Variants in DIAPH1 observed in about 807,000 individuals in gnomAD.
DIAPH1 encodes protein diaphanous homolog 1.
Under a neutral mutation model 140.7 loss-of-function variants are expected in DIAPH1, and 46 were observed. That is an observed-to-expected ratio of 0.33 (90% CI 0.26 to 0.42). DIAPH1 has a LOEUF of 0.42. Ranked by LOEUF, DIAPH1 falls within the 10% of genes least tolerant of loss-of-function variation. DIAPH1 has a pLI of 1.00. For missense variants in DIAPH1, 1,310 were observed against 1,558.7 expected, an observed-to-expected ratio of 0.84 and a Z score of 2.69; for synonymous variants, 565 against 551.6, an observed-to-expected ratio of 1.02 and a Z score of -0.34.
chr5:141,583,748 C>T (rs2099897116), intron 4 of DIAPH1, 133 bp from the exon 5 acceptor site: 25 of 1,280,974 alleles, frequency 2.0e-5, no homozygotes, highest in Non-Finnish European at 2.7e-5. Context: ...ACTACGTTGC[C>T]CAGGCTGATT....
At chr5:141,572,544 GTAATC>G (rs2099895341) in intron 16 of DIAPH1, among the ~76,000 whole-genome samples, 1 of 152,220 alleles carries the variant, frequency 6.6e-6, no homozygotes, top group African/African-American at 2.4e-5. Flanking sequence ...GCTCACGTCT[GTAATC>G]CCAGCACTCT....
intron 14 of DIAPH1, among the ~76,000 whole-genome samples, chr5:141,575,446 C>T (rs1168797707): frequency 6.6e-6 from 1 of 152,120 alleles, no homozygotes; most frequent in African/African-American, 2.4e-5. Context: ...GTCAGAAGTT[C>T]GAGACCAACC....
chr5:141,559,403 G>A (rs188649131), intron 18 of DIAPH1, among the ~76,000 whole-genome samples: 5 of 152,270 alleles, frequency 3.3e-5, no homozygotes, highest in Admixed American at 3.3e-4. Context: ...AAATCCCACA[G>A]AACTAGACCA....
rs1596381822 is a variant in DIAPH1, at chr5:141,576,282, T to C, written c.1409A>G (p.Asp470Gly). The C allele has an allele frequency of 3.1e-6, 5 of 1,613,984 alleles. No individual in the cohort carries two copies. The African/African-American group carries it at 4.0e-5, about 13-fold the overall frequency. ...EIEGLIDQMI[D>G]KTKVEKSEAK... is the part of the protein sequence containing the mutation. ...TTCAGATTTCTCCACCTTTGTCTTATCAATCATTTGATCTGAAAAGAAGAA... is the reference window on the plus strand; with the variant it reads ...TTCAGATTTCTCCACCTTTGTCTTACCAATCATTTGATCTGAAAAGAAGAA... Residue 470 changes from aspartate (D) to glycine (G), a missense_variant, in exon 14 of 28, where the codon GAT becomes GGT. Transcript: ENST00000389054.
chr5:141,575,244 G>A (rs1331025733), intron 14 of DIAPH1, 98 bp from the exon 15 acceptor site: 2 of 1,296,184 alleles, frequency 1.5e-6, no homozygotes, highest in South Asian at 1.2e-5. Flanking sequence ...TCTTTTGCCT[G>A]GGGGTGCTGG....
chr5:141,527,846 G>A (rs975390851), intron 23 of DIAPH1, 149 bp from the exon 24 acceptor site: 2 of 1,032,768 alleles, frequency 1.9e-6, no homozygotes, highest in Non-Finnish European at 2.7e-6. Context: ...AGTTCCTTAT[G>A]TACTTTAGTT....
At chr5:141,612,060 T>A (rs2099901937) in intron 1 of DIAPH1, among the ~76,000 whole-genome samples, 1 of 151,728 alleles carries the variant, frequency 6.6e-6, no homozygotes, top group African/African-American at 2.4e-5. Context: ...AGAGTGAAAC[T>A]CTGTCTCAAA....
At chr5:141,526,210 T>C (rs771113954) in intron 25 of DIAPH1, 37 bp from the exon 26 acceptor site, 4 of 1,613,966 alleles carry the variant, frequency 2.5e-6, no homozygotes, top group Non-Finnish European at 3.4e-6. Context: ...CACATGGGCA[T>C]TGTATACCTA....
In DIAPH1 at chr5:141,528,585, TAGAG is replaced by T; in HGVS notation, c.3019-7_3019-4del. Reference sequence around the variant, plus strand: ...TCTGTGGACTTGGTGTCTCGAAGCTTAGAGAAAGAGGAGAAACTGTTAAATCCTG... The same window carrying T: ...TCTGTGGACTTGGTGTCTCGAAGCTTAAAGAGGAGAAACTGTTAAATCCTG... On this transcript the variant is annotated splice_polypyrimidine_tract_variant and splice_region_variant and intron_variant, in intron 22 of 27. Transcript: ENST00000389054. The T allele has an allele frequency of 6.2e-7, 1 of 1,614,190 alleles. No individual in the cohort carries two copies. Among genetic ancestry groups the T allele is most frequent in the Non-Finnish European group, 8.5e-7 (1 of 1,180,030 alleles).
At position 141,616,527 on chromosome 5, in the gene DIAPH1, C is replaced by T. The variant is rs117688518; in HGVS notation, c.117+2271G>A. Among the ~76,000 whole-genome samples, 174 of 152,228 alleles carry T rather than the reference C, an allele frequency of 1.1e-3. 1 individual carries two copies. The East Asian group carries it at 0.028, about 24-fold the overall frequency. On this transcript the variant is annotated intron_variant, in intron 1 of 27. Coordinates refer to ENST00000389054, the MANE Select transcript of DIAPH1 (RefSeq NM_005219.5). ...TATCAAAAGCACACCAGCAATCTCG[C>T]CCACTCCACCCACCCACGTATACAT...
chr5:141,590,791 A>G (rs2099898277), intron 1 of DIAPH1, among the ~76,000 whole-genome samples: 2 of 151,198 alleles, frequency 1.3e-5, no homozygotes, highest in Non-Finnish European at 2.9e-5. Flanking sequence ...CTTTCTGCCT[A>G]CAGACTCTTG....
intron 1 of DIAPH1, among the ~76,000 whole-genome samples, chr5:141,608,827 A>G (rs2099901353): frequency 2.0e-5 from 3 of 152,230 alleles, no homozygotes; most frequent in Non-Finnish European, 4.4e-5. Flanking sequence ...GAGCACAAAC[A>G]GAGGTCTTTA....
chr5:141,521,719 A>T (rs575600773), intron 27 of DIAPH1, among the ~76,000 whole-genome samples: 3 of 152,230 alleles, frequency 2.0e-5, no homozygotes, highest in Non-Finnish European at 4.4e-5. Context: ...AGCCAAGAGG[A>T]ATAGTCAGAG....
intron 1 of DIAPH1, among the ~76,000 whole-genome samples, chr5:141,607,408 T>C (rs1340028717): frequency 6.6e-6 from 1 of 152,172 alleles, no homozygotes; most frequent in Non-Finnish European, 1.5e-5. Context: ...GGACTGAAAA[T>C]CAAATAAACT....
At chr5:141,537,634 C>G (rs1027087963) in intron 18 of DIAPH1, among the ~76,000 whole-genome samples, 7 of 151,980 alleles carry the variant, frequency 4.6e-5, no homozygotes, top group African/African-American at 1.7e-4. Context: ...ATATGCACTT[C>G]CAGTTCCACC....
At chr5:141,585,944 TA>T (rs1562332534) in intron 3 of DIAPH1, among the ~76,000 whole-genome samples, 1 of 152,234 alleles carries the variant, frequency 6.6e-6, no homozygotes, top group Non-Finnish European at 1.5e-5. Flanking sequence ...CAAGATTTAT[TA>T]TTTTTTTAAA....
intron 1 of DIAPH1, among the ~76,000 whole-genome samples, chr5:141,589,576 T>C (rs1443005968): frequency 1.3e-5 from 2 of 151,894 alleles, no homozygotes; most frequent in East Asian, 1.9e-4. Flanking sequence ...CACTGTATTA[T>C]TTGGTATGTA....
intron 18 of DIAPH1, among the ~76,000 whole-genome samples, chr5:141,552,357 A>G (rs569129588): frequency 2.0e-5 from 3 of 152,184 alleles, no homozygotes; most frequent in Admixed American, 6.5e-5. Context: ...ACTTAGCTAC[A>G]AGGATTCTTA....
intron 1 of DIAPH1, among the ~76,000 whole-genome samples, chr5:141,596,108 T>C (rs772612703): frequency 2.0e-5 from 3 of 152,142 alleles, no homozygotes; most frequent in Non-Finnish European, 2.9e-5. Context: ...GGCAGGTGGA[T>C]TGCGAGGTCA....
Sources: allele counts gnomAD v4.1 joint callset (sites outside exome capture counted in the v4.1 genomes callset), GRCh38; gene constraint gnomAD v4.1.1; transcripts MANE v1.5; gene names NCBI Gene and HGNC (gene_info 2026-07-23, HGNC 2026-07-21).